The following CASK variants were observed in gnomAD, a reference collection of about 807,000 sequenced individuals.
CASK encodes the protein peripheral plasma membrane protein CASK.
CASK carries 4 observed loss-of-function variants against 82.9 expected under a neutral mutation model. That is an observed-to-expected ratio of 0.05 (90% CI 0.02 to 0.11). The LOEUF (loss-of-function observed/expected upper bound fraction) is 0.11, where lower values mean the gene tolerates loss of function less well. Ranked by LOEUF, CASK falls within the 10% of genes least tolerant of loss-of-function variation. CASK has a pLI of 1.00. For missense variants in CASK, 358 were observed against 720.9 expected (o/e 0.50, Z 5.76); for synonymous variants, 259 against 253.5 (o/e 1.02, Z -0.20).
At chrX:41,662,747 C>T (rs768521190) in intron 7 of CASK, among the ~76,000 whole-genome samples, 97 of 110,643 alleles carry the variant, frequency 8.8e-4, no homozygotes, top group African/African-American at 3.0e-3. Flanking sequence ...GAGCCAAGAT[C>T]GTGCCACTGC....
In CASK at chrX:41,819,653, A is replaced by G. The variant is rs977746538; in HGVS notation, c.173-32370T>C. ...AGAAACTTTAAAAAGAAAACTAGAAAGCAATAACCATCATAACCACTGATG... is the reference window on the plus strand; with the variant it reads ...AGAAACTTTAAAAAGAAAACTAGAAGGCAATAACCATCATAACCACTGATG... On this transcript the variant is annotated intron_variant, in intron 2 of 26. Transcript: ENST00000378163. Among the ~76,000 whole-genome samples, 4 of 111,673 alleles carry G rather than the reference A, an allele frequency of 3.6e-5. No homozygotes were observed. In the Admixed American group the frequency reaches 3.8e-4, roughly 11 times the overall value.
At chrX:41,774,280 A>C (rs919135891) in intron 3 of CASK, among the ~76,000 whole-genome samples, 2 of 111,521 alleles carry the variant, frequency 1.8e-5, no homozygotes, top group Admixed American at 9.6e-5. Context: ...AATCACAAGC[A>C]TTCTTATACA....
At chrX:41,712,962 T>G (rs954382435) in intron 5 of CASK, among the ~76,000 whole-genome samples, 2 of 111,648 alleles carry the variant, frequency 1.8e-5, no homozygotes, top group African/African-American at 6.5e-5. Flanking sequence ...CACAGCCCAC[T>G]ACCCACCAAA....
chrX:41,842,196 T>A (rs1390762078), intron 2 of CASK, among the ~76,000 whole-genome samples: 1 of 111,901 alleles, frequency 8.9e-6, no homozygotes, highest in African/African-American at 3.2e-5. Context: ...ATGGATTTAC[T>A]ACTGGATTGT....
At chrX:41,732,674 G>C (rs745569273) in intron 5 of CASK, among the ~76,000 whole-genome samples, 2 of 111,053 alleles carry the variant, frequency 1.8e-5, no homozygotes, top group East Asian at 5.6e-4. Context: ...TATCACACAC[G>C]CTACTCCTGG....
intron 8 of CASK, among the ~76,000 whole-genome samples, chrX:41,639,307 C>T (rs942646991): frequency 9.1e-5 from 10 of 109,360 alleles, no homozygotes; most frequent in African/African-American, 2.0e-4. Flanking sequence ...CTCTTGGCCT[C>T]GTGATCTGCC....
intron 22 of CASK, among the ~76,000 whole-genome samples, chrX:41,535,513 TAGA>T (rs1280797458): frequency 1.8e-5 from 2 of 109,864 alleles, no homozygotes; most frequent in South Asian, 7.9e-4. Context: ...GGTGGCATGC[TAGA>T]TTCTAAGGCA....
intron 2 of CASK, among the ~76,000 whole-genome samples, chrX:41,787,787 C>T (rs887600701): frequency 1.7e-4 from 19 of 111,086 alleles, no homozygotes; most frequent in African/African-American, 5.9e-4. Flanking sequence ...GAATAGGGAA[C>T]AAAAAATAGT....
chrX:41,662,473 T>C (rs1457069588), intron 7 of CASK, among the ~76,000 whole-genome samples: 1 of 111,610 alleles, frequency 9.0e-6, no homozygotes, highest in Non-Finnish European at 1.9e-5. Flanking sequence ...TTGTTAATAG[T>C]TCTTTTGCTC....
chrX:41,601,174 T>C (rs1231362648), intron 12 of CASK, among the ~76,000 whole-genome samples: 1 of 111,490 alleles, frequency 9.0e-6, no homozygotes, highest in Admixed American at 9.6e-5. Flanking sequence ...TGGAGATGGA[T>C]AGTGATGATG....
At chrX:41,626,769 C>T in intron 9 of CASK, 66 bp from the exon 10 acceptor site, 1 of 703,452 alleles carries the variant, frequency 1.4e-6, no homozygotes, top group Non-Finnish European at 2.2e-6. Context: ...AGTTATTTAA[C>T]AAATTATTTA....
At chrX:41,743,228 G>A (rs1474299081) in intron 4 of CASK, among the ~76,000 whole-genome samples, 2 of 111,581 alleles carry the variant, frequency 1.8e-5, no homozygotes, top group African/African-American at 6.5e-5. Context: ...TACCTGCCAG[G>A]TATCCCCGTG....
At chrX:41,683,933 G>T (rs2067403594) in intron 5 of CASK, among the ~76,000 whole-genome samples, 1 of 111,878 alleles carries the variant, frequency 8.9e-6, no homozygotes, top group Non-Finnish European at 1.9e-5. Context: ...ATCCCACTAG[G>T]TATGCCCGGT....
intron 1 of CASK, chrX:41,919,350 A>C (rs779736531): frequency 8.9e-5 from 10 of 112,265 alleles, no homozygotes; most frequent in Non-Finnish European, 1.9e-4. Flanking sequence ...AGAGCAGGAA[A>C]GTCTGAAGCT....
intron 1 of CASK, among the ~76,000 whole-genome samples, chrX:41,890,569 C>T (rs1488881907): frequency 8.9e-6 from 1 of 111,858 alleles, no homozygotes; most frequent in Non-Finnish European, 1.9e-5. Flanking sequence ...TGAATTTTCA[C>T]ATAACTCTCA....
chrX:41,775,264 G>C (rs1270532752), intron 3 of CASK, among the ~76,000 whole-genome samples: 1 of 111,665 alleles, frequency 9.0e-6, no homozygotes, highest in Non-Finnish European at 1.9e-5. Flanking sequence ...CATTTATGCA[G>C]CCAAAAGACA....
At chrX:41,667,833 C>T (rs1235504872) in intron 6 of CASK, among the ~76,000 whole-genome samples, 1 of 111,555 alleles carries the variant, frequency 9.0e-6, no homozygotes, top group African/African-American at 3.3e-5. Context: ...ATTGTAGATA[C>T]TGATTAAAGA....
chrX:41,536,223 T>A (rs2064871997), intron 22 of CASK, among the ~76,000 whole-genome samples: 1 of 110,801 alleles, frequency 9.0e-6, no homozygotes, highest in Non-Finnish European at 1.9e-5. Flanking sequence ...GTTCAAGCGA[T>A]TCTCCTGCCT....
intron 8 of CASK, among the ~76,000 whole-genome samples, chrX:41,659,222 T>G (rs2066990610): frequency 9.2e-6 from 1 of 109,199 alleles, no homozygotes; most frequent in African/African-American, 3.3e-5. Context: ...TGTGACTTGG[T>G]GCAAATTCTT....
Sources: gnomAD v4.1 joint callset for allele counts (sites outside exome capture counted in the v4.1 genomes callset) on GRCh38, gnomAD v4.1.1 for gene constraint, MANE v1.5 for transcripts, NCBI Gene and HGNC (gene_info 2026-07-23, HGNC 2026-07-21) for gene names.